BFSP2: variants seen among roughly 807,000 people sequenced by gnomAD.
BFSP2 encodes beaded filament structural protein 2.
BFSP2 carries 38 observed loss-of-function variants against 44.9 expected under a neutral mutation model. The observed-to-expected ratio is 0.85, with a 90% CI of 0.65 to 1.11. The LOEUF (loss-of-function observed/expected upper bound fraction) is 1.11, where lower values mean the gene tolerates loss of function less well. BFSP2 is among the 50% of genes least tolerant of loss of function. BFSP2 has a pLI of 0.00. For synonymous variants in BFSP2, 197 were observed against 209.9 expected (o/e 0.94, Z 0.53); for missense variants, 525 against 533.0 (o/e 0.99, Z 0.15).
chr3:133,406,285 G>A (rs1352305170), intron 1 of BFSP2, among the ~76,000 whole-genome samples: 4 of 152,202 alleles, frequency 2.6e-5, no homozygotes, highest in African/African-American at 9.7e-5. Context: ...TCTAAGAAAG[G>A]TGGTTTCTGG....
chr3:133,418,388 T>C (rs551191890), intron 1 of BFSP2, among the ~76,000 whole-genome samples: 2 of 152,294 alleles, frequency 1.3e-5, no homozygotes, highest in East Asian at 3.9e-4. Flanking sequence ...GCAATGAAGA[T>C]GAAACCATTG....
intron 1 of BFSP2, among the ~76,000 whole-genome samples, chr3:133,428,477 A>T (rs1164720012): frequency 1.5e-5 from 1 of 66,922 alleles, no homozygotes; most frequent in Non-Finnish European, 3.5e-5. Flanking sequence ...ACAAAAAAAT[A>T]GTTCCAAAAA....
At chr3:133,411,683 A>G (rs532272047) in intron 1 of BFSP2, among the ~76,000 whole-genome samples, 1 of 150,248 alleles carries the variant, frequency 6.7e-6, no homozygotes, top group East Asian at 2.0e-4. Context: ...TGAAGCCAAT[A>G]GAGGGAAGGG....
rs544857721 is a variant in BFSP2 at position 133,431,934 on chromosome 3, G to A, written c.490-15383G>A. 2.4e-3 allele frequency among the ~76,000 whole-genome samples: 366 copies of A among 151,986 alleles called. 2 individuals are homozygous for A. Among genetic ancestry groups the A allele is most frequent in the Non-Finnish European group, 3.7e-3 (251 of 67,974 alleles). On this transcript the variant is annotated intron_variant, in intron 1 of 6. Coordinates refer to ENST00000302334, the MANE Select transcript of BFSP2 (RefSeq NM_003571.4). ...CCCTGACTATTCCTGGATTACAGCC[G>A]CATCTCATTGCCGCCCTTCTCCCCA...
At chr3:133,466,692 A>AAAAAAAAAAAAAAAT (rs2074113492) in intron 4 of BFSP2, 136 bp from the exon 5 acceptor site, 1 of 668,440 alleles carries the variant, frequency 1.5e-6, no homozygotes, top group African/African-American at 1.8e-5. Flanking sequence ...AAAAAAAAAA[A>AAAAAAAAAAAAAAAT]AAAAAGATGT....
chr3:133,415,711 C>T (rs192202664), intron 1 of BFSP2, among the ~76,000 whole-genome samples: 9 of 142,822 alleles, frequency 6.3e-5, no homozygotes, highest in Admixed American at 1.4e-4. Flanking sequence ...CCCCTGTCCT[C>T]TCCCCTCTAC....
intron 1 of BFSP2, among the ~76,000 whole-genome samples, chr3:133,442,821 G>A (rs2073857861): frequency 6.6e-6 from 1 of 151,680 alleles, no homozygotes; most frequent in Non-Finnish European, 1.5e-5. Flanking sequence ...TCAAGGGGTG[G>A]TGGGGAAAGG....
chr3:133,401,277 C>T (rs571315913), intron 1 of BFSP2, among the ~76,000 whole-genome samples: 64 of 152,326 alleles, frequency 4.2e-4, no homozygotes, highest in African/African-American at 1.4e-3. Flanking sequence ...GTAGAGCTTT[C>T]TGCGTGATGG....
chr3:133,423,885 C>T (rs998655268), intron 1 of BFSP2, among the ~76,000 whole-genome samples: 3 of 152,202 alleles, frequency 2.0e-5, no homozygotes, highest in African/African-American at 7.2e-5. Context: ...GGAAGCCAGT[C>T]ACGCAATTCA....
chr3:133,424,379 T>C (rs1225944502), intron 1 of BFSP2, among the ~76,000 whole-genome samples: 1 of 151,860 alleles, frequency 6.6e-6, no homozygotes, highest in Non-Finnish European at 1.5e-5. Context: ...TCTCTTCTAC[T>C]TCTATTCGTG....
chr3:133,420,732 C>T (rs1286419504), intron 1 of BFSP2, among the ~76,000 whole-genome samples: 2 of 152,264 alleles, frequency 1.3e-5, no homozygotes, highest in African/African-American at 2.4e-5. Flanking sequence ...CTGTGCAGCC[C>T]CTGTGAGGCT....
chr3:133,445,923 C>A (rs987058695), intron 1 of BFSP2, among the ~76,000 whole-genome samples: 9 of 152,150 alleles, frequency 5.9e-5, no homozygotes, highest in African/African-American at 2.2e-4. Context: ...ATATAAATCA[C>A]TATTTTAAGC....
chr3:133,430,462 A>T (rs1378549223), intron 1 of BFSP2, among the ~76,000 whole-genome samples: 4 of 152,030 alleles, frequency 2.6e-5, no homozygotes, highest in Non-Finnish European at 4.4e-5. Context: ...CTGGTGTGAG[A>T]TGGTATCTCA....
chr3:133,426,136 T>C (rs758441058), intron 1 of BFSP2, among the ~76,000 whole-genome samples: 11 of 149,340 alleles, frequency 7.4e-5, no homozygotes, highest in African/African-American at 2.7e-4. Flanking sequence ...GGGGACACTT[T>C]TCTGGATTCC....
At chr3:133,405,798 C>T (rs1434502339) in intron 1 of BFSP2, among the ~76,000 whole-genome samples, 2 of 152,086 alleles carry the variant, frequency 1.3e-5, no homozygotes, top group African/African-American at 4.8e-5. Context: ...AATGTAGCTA[C>T]CAGAGAAAAG....
intron 1 of BFSP2, among the ~76,000 whole-genome samples, chr3:133,430,899 T>G (rs368842630): frequency 1.3e-5 from 2 of 152,246 alleles, no homozygotes; most frequent in Admixed American, 6.5e-5. Context: ...TCCTCACACC[T>G]GGTCCGGCTT....
At chr3:133,447,669 CAG>C (rs1227229071) in intron 2 of BFSP2, among the ~76,000 whole-genome samples, 1 of 152,090 alleles carries the variant, frequency 6.6e-6, no homozygotes, top group East Asian at 1.9e-4. Context: ...ATATAGAAAA[CAG>C]AGATTGCTGC....
chr3:133,402,599 T>G (rs900316557), intron 1 of BFSP2, among the ~76,000 whole-genome samples: 1 of 152,076 alleles, frequency 6.6e-6, no homozygotes, highest in Non-Finnish European at 1.5e-5. Context: ...AATCATGGAC[T>G]TGAAGATAGA....
At position 133,437,380 on chromosome 3, in the gene BFSP2, G is replaced by A. The variant is rs552602978; in HGVS notation, c.490-9937G>A. ...CTCTACTAAAAATACAAAATTAGCC[G>A]GGCATGGTGGCACATACCTGTAATC... On this transcript the variant is annotated intron_variant, in intron 1 of 6. Transcript: ENST00000302334. Among the ~76,000 whole-genome samples, 72 of 152,074 alleles carry A rather than the reference G, an allele frequency of 4.7e-4. 1 individual carries two copies. The highest frequency in any genetic ancestry group is 4.6e-3 in the South Asian group (22 of 4,800).
Sources: gnomAD v4.1 joint callset for allele counts (sites outside exome capture counted in the v4.1 genomes callset) on GRCh38, gnomAD v4.1.1 for gene constraint, MANE v1.5 for transcripts, NCBI Gene and HGNC (gene_info 2026-07-23, HGNC 2026-07-21) for gene names.